The following GRM5 variants were observed in gnomAD, a reference collection of about 807,000 sequenced individuals.
GRM5 encodes glutamate metabotropic receptor 5.
In GRM5, 19 loss-of-function variants were observed where a neutral mutation model predicts 83.1. The observed-to-expected ratio is 0.23, with a 90% CI of 0.16 to 0.34. The LOEUF is 0.34. GRM5 is among the 10% of genes least tolerant of loss of function. GRM5 has a pLI of 1.00. For synonymous variants in GRM5, 675 were observed against 633.6 expected, an observed-to-expected ratio of 1.07 and a Z score of -0.98; for missense variants, 1,160 against 1,588.3, an observed-to-expected ratio of 0.73 and a Z score of 4.58.
intron 7 of GRM5, among the ~76,000 whole-genome samples, chr11:88,578,513 G>A (rs1302891006): frequency 1.3e-5 from 2 of 152,118 alleles, no homozygotes; most frequent in East Asian, 3.8e-4. Flanking sequence ...TTGTGAAGAA[G>A]AACATGGTGA....
At chr11:88,522,291 C>G (rs780813596) in intron 9 of GRM5, among the ~76,000 whole-genome samples, 1 of 152,146 alleles carries the variant, frequency 6.6e-6, no homozygotes, top group Non-Finnish European at 1.5e-5. Context: ...CTATTCCATT[C>G]CTGAGTAAGC....
chr11:88,520,719 T>C (rs561228540), intron 9 of GRM5, among the ~76,000 whole-genome samples: 20 of 152,196 alleles, frequency 1.3e-4, no homozygotes, highest in African/African-American at 4.8e-4. Context: ...GAAGAAATAA[T>C]TGAATGAATG....
intron 3 of GRM5, among the ~76,000 whole-genome samples, chr11:88,671,247 C>T (rs748996673): frequency 1.3e-5 from 2 of 151,884 alleles, no homozygotes; most frequent in African/African-American, 4.8e-5. Flanking sequence ...ATAACCTCCC[C>T]TTCTCCCAGA....
chr11:88,896,033 G>A (rs1590946495), intron 2 of GRM5, among the ~76,000 whole-genome samples: 1 of 151,862 alleles, frequency 6.6e-6, no homozygotes, highest in South Asian at 2.1e-4. Flanking sequence ...AATGGACAAG[G>A]CATTTCAAAT....
At chr11:88,949,717 TAA>T (rs1456197337) in intron 2 of GRM5, among the ~76,000 whole-genome samples, 5 of 152,192 alleles carry the variant, frequency 3.3e-5, no homozygotes, top group African/African-American at 4.8e-5. Context: ...TATGAATGCA[TAA>T]AAAGTGTTAT....
Position 88,508,516 on chromosome 11 carries a change from A to G in GRM5, c.*76T>C, listed in dbSNP as rs1406922007. The G allele has an allele frequency of 1.6e-6, 2 of 1,237,138 alleles. No individual in the cohort carries two copies. The highest frequency in any genetic ancestry group is 2.3e-6 in the Non-Finnish European group (2 of 866,220). 76.6% of individuals were successfully genotyped at this position (1,237,138 alleles called of 1,614,324 possible). A position where few individuals can be genotyped will look rare whatever the true frequency, so the allele number is the denominator to read the frequency against. On this transcript the variant is annotated 3_prime_UTR_variant, in exon 10 of 10. Transcript: ENST00000305447. The surrounding 1 kb of genome is among the most constrained non-coding windows in gnomAD (Gnocchi z 4.2). ...CCCCCTGGGCCGTAACCAGGCGACT[A>G]TGCTTGCCATTGTGTGTGTGTGAAC...
chr11:88,820,396 C>T (rs1187024084), intron 3 of GRM5, among the ~76,000 whole-genome samples: 1 of 111,408 alleles, frequency 9.0e-6, no homozygotes, highest in Non-Finnish European at 1.7e-5. Flanking sequence ...AAAAAAAAGC[C>T]AATATAATCA....
At chr11:88,654,368 G>A (rs1939714119) in intron 3 of GRM5, among the ~76,000 whole-genome samples, 1 of 152,050 alleles carries the variant, frequency 6.6e-6, no homozygotes. Flanking sequence ...GGGCATCTAA[G>A]GAAGAAGGAA....
chr11:89,017,628 C>G (rs759550851), intron 2 of GRM5, among the ~76,000 whole-genome samples: 5 of 152,186 alleles, frequency 3.3e-5, no homozygotes, highest in Non-Finnish European at 7.4e-5. Flanking sequence ...GCCAAGGTAA[C>G]AGAGCTACTA....
At chr11:88,738,923 T>A (rs189115325) in intron 3 of GRM5, among the ~76,000 whole-genome samples, 157 of 152,230 alleles carry the variant, frequency 1.0e-3, no homozygotes, top group African/African-American at 3.5e-3. Flanking sequence ...ACTCTCTTCT[T>A]CGCCTATCTT....
chr11:88,639,539 G>A (rs1591401673), intron 4 of GRM5, among the ~76,000 whole-genome samples: 1 of 151,500 alleles, frequency 6.6e-6, no homozygotes, highest in African/African-American at 2.4e-5. Context: ...AAAAGAAGCA[G>A]CCATTTTCCC....
intron 1 of GRM5, among the ~76,000 whole-genome samples, chr11:89,057,955 G>A (rs193074445): frequency 5.5e-4 from 83 of 152,070 alleles, no homozygotes; most frequent in African/African-American, 1.9e-3. Context: ...TCTAGAAATC[G>A]AAGTTTAGAG....
At chr11:88,748,716 C>T (rs1306839149) in intron 3 of GRM5, among the ~76,000 whole-genome samples, 1 of 152,084 alleles carries the variant, frequency 6.6e-6, no homozygotes, top group South Asian at 2.1e-4. Flanking sequence ...AGTACCCCCC[C>T]AGGACCAAGC....
intron 2 of GRM5, among the ~76,000 whole-genome samples, chr11:88,903,032 G>A (rs1231438423): frequency 1.3e-5 from 2 of 151,576 alleles, no homozygotes; most frequent in African/African-American, 2.4e-5. Flanking sequence ...CAACAGCAGG[G>A]GAAATGTTAC....
intron 2 of GRM5, among the ~76,000 whole-genome samples, chr11:88,902,593 G>A (rs1260913699): frequency 6.6e-6 from 1 of 152,020 alleles, no homozygotes; most frequent in Non-Finnish European, 1.5e-5. Context: ...GTTGCTCCCT[G>A]GTTTTTCTAG....
At chr11:89,027,397 A>AT (rs1388568267) in intron 2 of GRM5, among the ~76,000 whole-genome samples, 1 of 152,096 alleles carries the variant, frequency 6.6e-6, no homozygotes, top group African/African-American at 2.4e-5. Context: ...CCTGGCCGGC[A>AT]TTTTCTTACT....
intron 3 of GRM5, among the ~76,000 whole-genome samples, chr11:88,787,365 G>C (rs1306600207): frequency 6.6e-6 from 1 of 152,102 alleles, no homozygotes; most frequent in Non-Finnish European, 1.5e-5. Context: ...AATTAAAAAG[G>C]AGAGGATGTG....
At chr11:88,761,721 C>T (rs2201929) in intron 3 of GRM5, among the ~76,000 whole-genome samples, 109,791 of 151,762 alleles carry the variant, frequency 0.72, 40,133 homozygotes, top group African/African-American at 0.75. Flanking sequence ...TCATCTGGAA[C>T]CAAAAAAAGG....
At chr11:88,893,252 A>T (rs316103) in intron 2 of GRM5, among the ~76,000 whole-genome samples, 146,361 of 152,084 alleles carry the variant, frequency 0.96, 70,471 homozygotes, top group East Asian at 0.99. Context: ...TATACAAAGG[A>T]TATAAAGGAA....
Sources: gnomAD v4.1 joint callset for allele counts (sites outside exome capture counted in the v4.1 genomes callset) on GRCh38, gnomAD v4.1.1 for gene constraint, Gnocchi (gnomAD v3.1) non-coding constraint, MANE v1.5 for transcripts, NCBI Gene and HGNC (gene_info 2026-07-23, HGNC 2026-07-21) for gene names.